The following XPO5 variants were observed in gnomAD, a reference collection of about 807,000 sequenced individuals.
XPO5 encodes the protein exportin-5.
In XPO5, 46 loss-of-function variants were observed where a neutral mutation model predicts 160.6. The ratio of observed to expected loss-of-function variants is 0.29; its 90% CI spans 0.23 to 0.37. XPO5 has a LOEUF of 0.37. XPO5 is among the 10% of genes least tolerant of loss of function. The pLI is 1.00. For missense variants in XPO5, 1,090 were observed against 1,463.9 expected, an observed-to-expected ratio of 0.74 and a Z score of 4.17; for synonymous variants, 537 against 519.3, an observed-to-expected ratio of 1.03 and a Z score of -0.46.
At chr6:43,524,212 C>T (rs1239782471) in intron 31 of XPO5, among the ~76,000 whole-genome samples, 3 of 152,022 alleles carry the variant, frequency 2.0e-5, no homozygotes, top group African/African-American at 4.8e-5. Flanking sequence ...AGTAGCCAGA[C>T]GTGGTGGTGC....
At chr6:43,561,332 C>G (rs116006746) in intron 9 of XPO5, 3,009 of 254,268 alleles carry the variant, frequency 0.012, 109 homozygotes, top group African/African-American at 0.062. Context: ...CTTACCTATT[C>G]ACATCTCTGT....
At chr6:43,573,892 C>T (rs1294358416) in intron 1 of XPO5, among the ~76,000 whole-genome samples, 1 of 148,872 alleles carries the variant, frequency 6.7e-6, no homozygotes, top group Non-Finnish European at 1.5e-5. Context: ...GGCATGATCT[C>T]GGCTCACTGC....
chr6:43,525,544 C>G, intron 28 of XPO5: 1 of 515,610 alleles, frequency 1.9e-6, no homozygotes, highest in Non-Finnish European at 3.4e-6. Context: ...GTGAGAAAAC[C>G]TGTATGTGTA....
Position 43,549,501 on chromosome 6 carries a change from G to A in XPO5, c.1848C>T (p.Pro616=). ...SSIIKMCRDY[P]QLVLPNFDML... is the part of the protein sequence containing the mutation. Reference sequence around the variant, plus strand: ...TCCAGCAGCTTACCAGCACAAGCTGGGGGTAGTCACGACACATCTTGATGA... The same window carrying A: ...TCCAGCAGCTTACCAGCACAAGCTGAGGGTAGTCACGACACATCTTGATGA... Residue 616 remains proline (P), a synonymous_variant, in exon 17 of 32, where the codon CCC becomes CCT. Transcript: ENST00000265351. 1.9e-6 allele frequency: 3 copies of A among 1,611,774 alleles called. No individual in the cohort carries two copies. The highest frequency in any genetic ancestry group is 2.5e-6 in the Non-Finnish European group (3 of 1,179,196).
In XPO5 at chr6:43,527,712, C is replaced by T. The variant is rs1366577328; in HGVS notation, c.2842G>A (p.Asp948Asn). ...SLLCGEDEAA[D>N]ENPESQEMLE... Reference sequence around the variant, plus strand: ...ATCTCTTGAGACTCTGGGTTTTCATCTGCAGCCTCATCTTCTCCACTGCAG... The same window carrying T: ...ATCTCTTGAGACTCTGGGTTTTCATTTGCAGCCTCATCTTCTCCACTGCAG... Residue 948 changes from aspartate (D) to asparagine (N), a missense_variant, in exon 26 of 32, where the codon GAT becomes AAT. By Grantham distance (23) the Asp-to-Asn change is conservative (BLOSUM62 1). Around this residue, in one of 3 missense-constraint regions of XPO5, gnomAD observed 810 missense variants for 1,139.0 expected, o/e 0.71. Coordinates refer to ENST00000265351, the MANE Select transcript of XPO5 (RefSeq NM_020750.3). 2.5e-6 allele frequency: 4 copies of T among 1,614,032 alleles called. No homozygotes were observed. The highest frequency in any genetic ancestry group is 3.4e-6 in the Non-Finnish European group (4 of 1,179,898).
At chr6:43,530,491 A>G (rs746283036) in intron 23 of XPO5, among the ~76,000 whole-genome samples, 197 bp downstream of exon 23, 9 of 152,200 alleles carry the variant, frequency 5.9e-5, no homozygotes, top group Non-Finnish European at 5.9e-5. Context: ...CCCCTAAGGA[A>G]AAGTTTATGG....
Position 43,551,365 on chromosome 6 carries a change from G to C in XPO5, c.1661C>G (p.Thr554Ser), listed in dbSNP as rs772662128. Residue 554 changes from threonine to serine, a missense_variant, in exon 15 of 32, where the codon ACT (threonine) becomes AGT (serine). Thr to Ser is a moderately conservative substitution (Grantham distance 58). Around this residue, in one of 3 missense-constraint regions of XPO5, gnomAD observed 810 missense variants for 1,139.0 expected, o/e 0.71. Coordinates refer to ENST00000265351, the MANE Select transcript of XPO5 (RefSeq NM_020750.3). ...KDPLILSCVLTNVSALFPFVT... is the reference protein window; with the variant it reads ...KDPLILSCVLSNVSALFPFVT... ...AAATGGAAAGAGTGCAGAGACATTAGTAAGGACGCAGGACAGGATGAGGGG... is the reference window on the plus strand; with the variant it reads ...AAATGGAAAGAGTGCAGAGACATTACTAAGGACGCAGGACAGGATGAGGGG... 3 of 1,614,032 alleles carry C rather than the reference G, an allele frequency of 1.9e-6. No individual in the cohort carries two copies. The South Asian group carries it at 3.3e-5, about 18-fold the overall frequency.
chr6:43,549,627 C>T (rs755348355), intron 16 of XPO5, 49 bp from the exon 17 acceptor site: 2 of 1,588,138 alleles, frequency 1.3e-6, no homozygotes, highest in Non-Finnish European at 1.7e-6. Context: ...ATATAATATA[C>T]AGGTGCTGCA....
chr6:43,543,921 T>C (rs2127724290), intron 20 of XPO5, among the ~76,000 whole-genome samples: 1 of 152,284 alleles, frequency 6.6e-6, no homozygotes, highest in African/African-American at 2.4e-5. Flanking sequence ...AAGTGATCCA[T>C]GCGCCTTGGC....
intron 12 of XPO5, 141 bp downstream of exon 12, chr6:43,558,360 G>A (rs1762223110): frequency 2.8e-6 from 2 of 707,492 alleles, no homozygotes; most frequent in Non-Finnish European, 4.6e-6. Context: ...CTTCTGCAAT[G>A]GGAAACTAGG....
At chr6:43,566,071 A>G (rs535841520) in intron 7 of XPO5, among the ~76,000 whole-genome samples, 1 of 152,244 alleles carries the variant, frequency 6.6e-6, no homozygotes, top group East Asian at 1.9e-4. Flanking sequence ...AGCCTGGTCA[A>G]CATGGTGAAA....
chr6:43,523,229 G>A lies in XPO5; in HGVS notation c.*639C>T, dbSNP rs554876266. The A allele has an allele frequency of 2.3e-4, 41 of 175,962 alleles. No homozygotes were observed. The highest frequency in any genetic ancestry group is 3.7e-4 in the Non-Finnish European group (30 of 80,790). The allele number at this position is 175,962 out of a possible 1,614,324, so 10.9% of individuals were successfully genotyped here. A position where few individuals can be genotyped will look rare whatever the true frequency, so the allele number is the denominator to read the frequency against. On this transcript the variant is annotated 3_prime_UTR_variant, in exon 32 of 32. Transcript: ENST00000265351. ...AGACTTCCCAGCCCTGGTCCTTGGA[G>A]GTACTATACTTGATACTGTGCCAAG...
chr6:43,545,542 A>C (rs1794922223), intron 20 of XPO5, among the ~76,000 whole-genome samples: 1 of 152,102 alleles, frequency 6.6e-6, no homozygotes, highest in African/African-American at 2.4e-5. Flanking sequence ...CCCTGTCTCT[A>C]CTAAAAATAC....
At chr6:43,556,249 C>T in intron 12 of XPO5, 1 of 321,580 alleles carries the variant, frequency 3.1e-6, no homozygotes, top group Admixed American at 4.4e-5. Flanking sequence ...CAGGATTGGG[C>T]ACAGTAGCTC....
rs1036332533 is a variant in XPO5, at chr6:43,525,318, C to G, written c.3067-104G>C. 6.6e-5 allele frequency: 73 copies of G among 1,112,384 alleles called. No individual in the cohort carries two copies. In the Middle Eastern group the frequency reaches 7.6e-4, roughly 12 times the overall value. The allele number at this position is 1,112,384 out of a possible 1,614,324, so 68.9% of individuals were successfully genotyped here. On this transcript the variant is annotated intron_variant, in intron 28 of 31. Coordinates refer to ENST00000265351, the MANE Select transcript of XPO5 (RefSeq NM_020750.3). ...GAGGGTTTTTTTTTTTTCCTCCCCC[C>G]CTCTAAAGATGGGTTTGTTTTGTTG... is the stretch of plus-strand genomic sequence containing the variant.
intron 12 of XPO5, among the ~76,000 whole-genome samples, chr6:43,557,102 T>C (rs545708629): frequency 4.9e-5 from 6 of 122,114 alleles, no homozygotes; most frequent in Non-Finnish European, 6.5e-5. Context: ...CACTCCAGCC[T>C]GGGCGACAGA....
intron 31 of XPO5, 22 bp from the exon 32 acceptor site, chr6:43,524,027 G>T (rs777701567): frequency 1.2e-6 from 2 of 1,607,852 alleles, no homozygotes; most frequent in Admixed American, 3.3e-5. Flanking sequence ...AAATGAGAAA[G>T]AATTAATGCT....
At chr6:43,552,065 A>AT (rs1795253501) in intron 14 of XPO5, among the ~76,000 whole-genome samples, 1 of 152,168 alleles carries the variant, frequency 6.6e-6, no homozygotes, top group South Asian at 2.1e-4. Context: ...AATGTTTTTC[A>AT]TATTTATCAG....
In XPO5 at chr6:43,547,378, A is replaced by C. The variant is rs977636550; in HGVS notation, c.2160+230T>G. On this transcript the variant is annotated intron_variant, in intron 19 of 31. Transcript: ENST00000265351. ...CTTCAGTCTTCAGAGCTATTTAGAGATCCTTAAAGCCAAAATAATGACTTC... is the reference window on the plus strand; with the variant it reads ...CTTCAGTCTTCAGAGCTATTTAGAGCTCCTTAAAGCCAAAATAATGACTTC... 3 of 610,784 alleles carry C rather than the reference A, an allele frequency of 4.9e-6. No homozygotes were observed. In the African/African-American group the frequency reaches 5.6e-5, roughly 11 times the overall value. The allele number at this position is 610,784 out of a possible 1,614,324, so 37.8% of individuals were successfully genotyped here.
Sources: allele counts gnomAD v4.1 joint callset (sites outside exome capture counted in the v4.1 genomes callset), GRCh38; gene constraint gnomAD v4.1.1; regional missense constraint gnomAD v4.1.1; transcripts MANE v1.5; gene names NCBI Gene and HGNC (gene_info 2026-07-23, HGNC 2026-07-21).